Variants in SHISA6 observed in about 807,000 individuals in gnomAD.
SHISA6 encodes the protein protein shisa-6.
Under a neutral mutation model 47.9 loss-of-function variants are expected in SHISA6, and 22 were observed. That is an observed-to-expected ratio of 0.46 (90% confidence interval 0.33 to 0.66). The LOEUF (loss-of-function observed/expected upper bound fraction) is 0.66, where lower values mean the gene tolerates loss of function less well. Among genes scored for constraint, SHISA6 ranks in the 30% least tolerant of loss-of-function variants. The probability of loss-of-function intolerance (pLI) is 0.02; values close to 1 mark genes in which losing one functional copy is unlikely to be tolerated. For missense variants in SHISA6, 680 were observed against 764.6 expected, an observed-to-expected ratio of 0.89 and a Z score of 1.30; for synonymous variants, 388 against 337.8, an observed-to-expected ratio of 1.15 and a Z score of -1.63.
chr17:11,411,180 G>T (rs150752969), intron 3 of SHISA6, among the ~76,000 whole-genome samples: 67 of 152,030 alleles, frequency 4.4e-4, no homozygotes, highest in African/African-American at 1.6e-3. Flanking sequence ...CTGTTAGCCC[G>T]GTTGGTCTCG....
At chr17:11,264,490 C>T (rs993013959) in intron 2 of SHISA6, among the ~76,000 whole-genome samples, 1 of 152,218 alleles carries the variant, frequency 6.6e-6, no homozygotes, top group African/African-American at 2.4e-5. Context: ...TCTGAGTGGA[C>T]AGTCTCCTTA....
At chr17:11,440,859 T>C (rs1915076374) in intron 3 of SHISA6, among the ~76,000 whole-genome samples, 1 of 151,842 alleles carries the variant, frequency 6.6e-6, no homozygotes, top group Non-Finnish European at 1.5e-5. Context: ...CCAGCCATGC[T>C]CTTCTTACAG....
At chr17:11,365,037 T>C (rs1912397999) in intron 2 of SHISA6, among the ~76,000 whole-genome samples, 1 of 152,186 alleles carries the variant, frequency 6.6e-6, no homozygotes, top group Admixed American at 6.5e-5. Context: ...GACTCAAGTT[T>C]CCTCACCTAT....
intron 2 of SHISA6, among the ~76,000 whole-genome samples, chr17:11,375,870 A>C (rs1354572009): frequency 6.6e-6 from 1 of 152,134 alleles, no homozygotes; most frequent in Non-Finnish European, 1.5e-5. Context: ...GCAGAACTGG[A>C]GGTATAGACA....
chr17:11,398,949 C>T (rs1402257375), intron 3 of SHISA6, among the ~76,000 whole-genome samples: 1 of 132,160 alleles, frequency 7.6e-6, no homozygotes, highest in Admixed American at 7.1e-5. Flanking sequence ...CTATCTTCTA[C>T]CTAGGTTATT....
At chr17:11,263,629 A>AG in intron 2 of SHISA6, 103 bp downstream of exon 2, 1 of 1,408,976 alleles carries the variant, frequency 7.1e-7, no homozygotes, top group South Asian at 1.3e-5. Context: ...TGGTGTGATG[A>AG]GGGACTCTCA....
At position 11,379,819 on chromosome 17, in the gene SHISA6, G is replaced by A. The variant is rs552968813; in HGVS notation, c.895+310G>A. On this transcript the variant is annotated intron_variant, in intron 3 of 5. Coordinates refer to ENST00000441885, the MANE Select transcript of SHISA6 (RefSeq NM_207386.4). ...TGGTGGAAAACTGCCGGTGGATGTA[G>A]CAGCATTTGCAATGTGTGTGTTCGC... The A allele has an allele frequency of 4.1e-5, 12 of 290,314 alleles. No individual in the cohort carries two copies. In the East Asian group the frequency reaches 8.3e-4, roughly 20 times the overall value. The allele number at this position is 290,314 out of a possible 1,614,324, so 18.0% of individuals were successfully genotyped here.
At chr17:11,316,916 G>A (rs1910543759) in intron 2 of SHISA6, among the ~76,000 whole-genome samples, 1 of 152,016 alleles carries the variant, frequency 6.6e-6, no homozygotes, top group Non-Finnish European at 1.5e-5. Flanking sequence ...AAATTACTTG[G>A]AAGAGTTTTT....
chr17:11,545,940 G>A (rs74584377), intron 3 of SHISA6, among the ~76,000 whole-genome samples: 2,714 of 152,324 alleles, frequency 0.018, 81 homozygotes, highest in East Asian at 0.069. Context: ...AGCCTCGGAA[G>A]TCGTGCAAGG....
At chr17:11,553,554 T>A (rs2058763) in intron 4 of SHISA6, among the ~76,000 whole-genome samples, 44,390 of 151,912 alleles carry the variant, frequency 0.29, 6,844 homozygotes, top group East Asian at 0.49. Context: ...GTAGTGAGAG[T>A]AGAGTTTTCT....
rs890477177 is a variant in SHISA6 at position 11,374,354 on chromosome 17, A to T, written c.800-5060A>T. Among the ~76,000 whole-genome samples the T allele has an allele frequency of 9.2e-5, 14 of 151,578 alleles. 1 individual carries two copies. Among genetic ancestry groups the T allele is most frequent in the African/African-American group, 1.9e-4 (8 of 41,362 alleles). On this transcript the variant is annotated intron_variant, in intron 2 of 5. Transcript: ENST00000441885. ...TGCTTTTGATGTACCACAGTTTAAA[A>T]TTTTTTTTTGTTTTCTCTCTAGTTT... is the stretch of plus-strand genomic sequence containing the variant.
chr17:11,487,872 C>T (rs1386907708), intron 3 of SHISA6, among the ~76,000 whole-genome samples: 2 of 152,116 alleles, frequency 1.3e-5, no homozygotes, highest in East Asian at 1.9e-4. Context: ...GGCCAGCTTC[C>T]GTGAGGGCCG....
chr17:11,377,753 A>G (rs1316327825), intron 2 of SHISA6, among the ~76,000 whole-genome samples: 1 of 152,168 alleles, frequency 6.6e-6, no homozygotes, highest in East Asian at 1.9e-4. Context: ...TTGTTCCTCC[A>G]TTTACACTAA....
At chr17:11,457,807 C>T (rs1057130153) in intron 3 of SHISA6, among the ~76,000 whole-genome samples, 1 of 150,510 alleles carries the variant, frequency 6.6e-6, no homozygotes, top group South Asian at 2.1e-4. Flanking sequence ...ATGCCTGGGC[C>T]GGGCACGGTG....
chr17:11,331,985 C>T (rs1158839974), intron 2 of SHISA6, among the ~76,000 whole-genome samples: 2 of 152,024 alleles, frequency 1.3e-5, no homozygotes. Context: ...CACTTCCTCT[C>T]TTCTCTGTAT....
chr17:11,308,954 T>C (rs1910224173), intron 2 of SHISA6, among the ~76,000 whole-genome samples: 1 of 152,144 alleles, frequency 6.6e-6, no homozygotes, highest in South Asian at 2.1e-4. Context: ...GGAGCACGAA[T>C]CATCCACGTG....
Position 11,557,893 on chromosome 17 carries a change from G to C in SHISA6, c.1245G>C (p.Arg415=), listed in dbSNP as rs1567639189. 6.4e-7 allele frequency: 1 copy of C among 1,551,574 alleles called. No individual in the cohort carries two copies. Residue 415 remains arginine (R), a synonymous_variant, in exon 6 of 6, where the codon CGG becomes CGC. Coordinates refer to ENST00000441885, the MANE Select transcript of SHISA6 (RefSeq NM_207386.4). The stretch of plus-strand genomic sequence containing the variant: ...GGGAACGACCCCGCCGGCCCATCCG[G>C]GCCATGTCCCAGGACAGGGTCCTGT... ...LPRERPRRPI[R]AMSQDRVLSP... is the part of the protein sequence containing the mutation.
chr17:11,258,168 A>G (rs763080453), intron 1 of SHISA6, among the ~76,000 whole-genome samples: 1 of 152,190 alleles, frequency 6.6e-6, no homozygotes, highest in East Asian at 1.9e-4. Context: ...ATCCAACAGC[A>G]TCATTTTCTT....
chr17:11,487,164 G>A (rs1235155853), intron 3 of SHISA6, among the ~76,000 whole-genome samples: 2 of 152,172 alleles, frequency 1.3e-5, no homozygotes, highest in Non-Finnish European at 2.9e-5. Context: ...ACACGTGCAT[G>A]GGCTTGCTTC....
Sources: gnomAD v4.1 joint callset for allele counts (sites outside exome capture counted in the v4.1 genomes callset) on GRCh38, gnomAD v4.1.1 for gene constraint, MANE v1.5 for transcripts, NCBI Gene and HGNC (gene_info 2026-07-23, HGNC 2026-07-21) for gene names.